Variants in TSC22D1 observed in about 807,000 individuals in gnomAD.
The protein encoded by TSC22D1 is TSC22 domain family protein 1.
In TSC22D1, 9 loss-of-function variants were observed where a neutral mutation model predicts 74.2. The observed-to-expected ratio is 0.12, with a 90% CI of 0.07 to 0.21. The LOEUF is 0.21. Among genes scored for constraint, TSC22D1 ranks in the 10% least tolerant of loss-of-function variants. The pLI is 1.00. For missense variants in TSC22D1, 1,427 were observed against 1,304.7 expected, an observed-to-expected ratio of 1.09 and a Z score of -1.44; for synonymous variants, 586 against 492.5, an observed-to-expected ratio of 1.19 and a Z score of -2.51.
At chr13:44,550,530 C>T (rs1170329936) in intron 1 of TSC22D1, among the ~76,000 whole-genome samples, 1 of 148,272 alleles carries the variant, frequency 6.7e-6, no homozygotes, top group African/African-American at 2.5e-5. Context: ...TGCAGTGAGC[C>T]GAGATTGCAC....
chr13:44,491,880 C>G (rs1285096728), intron 1 of TSC22D1, among the ~76,000 whole-genome samples: 3 of 152,148 alleles, frequency 2.0e-5, no homozygotes, highest in Non-Finnish European at 4.4e-5. Flanking sequence ...AATGCGATAT[C>G]ATCTTGTAAA....
intron 1 of TSC22D1, among the ~76,000 whole-genome samples, chr13:44,517,873 T>TTTTTTTTTTTTC (rs1161219206): frequency 9.1e-6 from 1 of 109,430 alleles, no homozygotes; most frequent in Non-Finnish European, 1.9e-5. Flanking sequence ...TTTTTTTTTT[T>TTTTTTTTTTTTC]TTTTTTAACA....
intron 1 of TSC22D1, among the ~76,000 whole-genome samples, chr13:44,556,105 A>G (rs1054106715): frequency 6.6e-6 from 1 of 152,178 alleles, no homozygotes; most frequent in Non-Finnish European, 1.5e-5. Flanking sequence ...ATATCTTTTA[A>G]GATACATCTT....
chr13:44,451,006 T>C (rs1876085825), intron 1 of TSC22D1, among the ~76,000 whole-genome samples: 1 of 152,074 alleles, frequency 6.6e-6, no homozygotes, highest in Non-Finnish European at 1.5e-5. Context: ...TGCAAGAACC[T>C]TGAATGGGAG....
rs140596062 is a variant in TSC22D1, at chr13:44,481,242, A to C, written c.2913-45147T>G. Among the ~76,000 whole-genome samples, 517 of 152,298 alleles carry C rather than the reference A, an allele frequency of 3.4e-3. 2 individuals are homozygous for C. The highest frequency in any genetic ancestry group is 6.8e-3 in the Middle Eastern group (2 of 294). ...GGATCCTCGGGGCTTGAGACTTCGCAGTTAGGAAGTCATTGGTGACATCTG... is the reference window on the plus strand; with the variant it reads ...GGATCCTCGGGGCTTGAGACTTCGCCGTTAGGAAGTCATTGGTGACATCTG... On this transcript the variant is annotated intron_variant, in intron 1 of 2. Coordinates refer to ENST00000458659, the MANE Select transcript of TSC22D1 (RefSeq NM_183422.4).
At chr13:44,446,070 G>A (rs1220705836) in intron 1 of TSC22D1, among the ~76,000 whole-genome samples, 1 of 152,094 alleles carries the variant, frequency 6.6e-6, no homozygotes, top group Non-Finnish European at 1.5e-5. Context: ...ACAAAAATTT[G>A]GACATGAACG....
intron 1 of TSC22D1, among the ~76,000 whole-genome samples, chr13:44,503,362 TAA>T (rs973879695): frequency 1.3e-5 from 2 of 152,102 alleles, no homozygotes; most frequent in African/African-American, 2.4e-5. Context: ...ACAACATAGT[TAA>T]AGACGAAAGT....
intron 1 of TSC22D1, chr13:44,539,078 T>C (rs1335931297): frequency 8.1e-6 from 8 of 985,218 alleles, no homozygotes; most frequent in African/African-American, 1.7e-5. Context: ...GAAAACCATC[T>C]TAATGCCATG....
chr13:44,453,939 G>A (rs894493861), intron 1 of TSC22D1, among the ~76,000 whole-genome samples: 10 of 151,988 alleles, frequency 6.6e-5, no homozygotes, highest in African/African-American at 2.4e-4. Flanking sequence ...TGGTGTAGAG[G>A]GAATGAATTC....
intron 1 of TSC22D1, among the ~76,000 whole-genome samples, chr13:44,467,044 T>A (rs1354802078): frequency 1.3e-5 from 2 of 151,826 alleles, no homozygotes; most frequent in Non-Finnish European, 2.9e-5. Context: ...ACACCTGTAG[T>A]CCCAGCTACC....
chr13:44,540,828 A>G (rs1418704305), intron 1 of TSC22D1, among the ~76,000 whole-genome samples: 3 of 152,184 alleles, frequency 2.0e-5, no homozygotes, highest in Non-Finnish European at 4.4e-5. Context: ...ATACATATTT[A>G]AAGTTACAGG....
chr13:44,517,857 A>ATATATATATATTTTT (rs10627677), intron 1 of TSC22D1, among the ~76,000 whole-genome samples: 1 of 16,176 alleles, frequency 6.2e-5, no homozygotes, highest in African/African-American at 1.8e-4. Flanking sequence ...ATATATATAT[A>ATATATATATATTTTT]TTTTTTTTTT....
At chr13:44,563,795 T>C (rs9590836) in intron 1 of TSC22D1, among the ~76,000 whole-genome samples, 2,855 of 152,336 alleles carry the variant, frequency 0.019, 83 homozygotes, top group African/African-American at 0.065. Flanking sequence ...TTTGTAAAAC[T>C]GTCTCGGCGA....
chr13:44,507,303 A>G (rs988316979), intron 1 of TSC22D1, among the ~76,000 whole-genome samples: 1 of 152,192 alleles, frequency 6.6e-6, no homozygotes, highest in Non-Finnish European at 1.5e-5. Flanking sequence ...ACGTTGCTAC[A>G]GTAGCGCAAG....
At position 44,433,796 on chromosome 13, in the gene TSC22D1, G is replaced by A. The variant is rs970148164; in HGVS notation, c.*830C>T. 1.5e-5 allele frequency: 8 copies of A among 548,552 alleles called. No individual in the cohort carries two copies. In the Admixed American group the frequency reaches 1.6e-4, roughly 11 times the overall value. 34.0% of individuals were successfully genotyped at this position (548,552 alleles called of 1,614,324 possible). ...TTCAGATTACACAAAGTGAGTAACTGTGCCAAATTCTTAAAATTTCTTTAG... is the reference window on the plus strand; with the variant it reads ...TTCAGATTACACAAAGTGAGTAACTATGCCAAATTCTTAAAATTTCTTTAG... On this transcript the variant is annotated 3_prime_UTR_variant, in exon 3 of 3. Coordinates refer to ENST00000458659, the MANE Select transcript of TSC22D1 (RefSeq NM_183422.4).
Position 44,537,111 on chromosome 13 carries a change from T to C in TSC22D1, c.2912+36052A>G, listed in dbSNP as rs1881193838. ...ATTATCAGTAAGTGCATTTTTTTCA[T>C]GGAGAAAATATTTATTAGATTTCAA... On this transcript the variant is annotated intron_variant, in intron 1 of 2. Coordinates refer to ENST00000458659, the MANE Select transcript of TSC22D1 (RefSeq NM_183422.4). 5.5e-6 allele frequency: 5 copies of C among 915,122 alleles called. No homozygotes were observed. In the South Asian group the frequency reaches 2.5e-4, roughly 46 times the overall value. The allele number at this position is 915,122 out of a possible 1,614,324, so 56.7% of individuals were successfully genotyped here.
At position 44,574,093 on chromosome 13, in the gene TSC22D1, GGCT is replaced by G. The variant is rs775679040; in HGVS notation, c.1979_1981del (p.Gln660del). 1 of 1,614,240 alleles carries G rather than the reference GGCT, an allele frequency of 6.2e-7. No homozygotes were observed. Among genetic ancestry groups the G allele is most frequent in the Non-Finnish European group, 8.5e-7 (1 of 1,180,052 alleles). ...GGAGGACATTGCTGTTTGAAGAATT[GGCT>G]GCTGTTGTACATACTCTGAAGCAGG... is the stretch of plus-strand genomic sequence containing the variant. On this transcript the variant is annotated inframe_deletion, in exon 1 of 3. Transcript: ENST00000458659.
rs1189474976 is a variant in TSC22D1 at position 44,537,374 on chromosome 13, T to C, written c.2912+35789A>G. On this transcript the variant is annotated intron_variant, in intron 1 of 2. Coordinates refer to ENST00000458659, the MANE Select transcript of TSC22D1 (RefSeq NM_183422.4). ...TGGCATGAGGTGACTAGAAATGCAC[T>C]TACATTTCCTTTTGCATATTTTAAG... The C allele has an allele frequency of 3.0e-6, 3 of 985,094 alleles. No individual in the cohort carries two copies. In the East Asian group the frequency reaches 3.4e-4, roughly 112 times the overall value. The allele number at this position is 985,094 out of a possible 1,614,324, so 61.0% of individuals were successfully genotyped here. A position where few individuals can be genotyped will look rare whatever the true frequency, so the allele number is the denominator to read the frequency against.
intron 1 of TSC22D1, among the ~76,000 whole-genome samples, chr13:44,490,905 T>TA (rs895444208): frequency 7.0e-5 from 10 of 142,134 alleles, no homozygotes; most frequent in Non-Finnish European, 9.1e-5. Flanking sequence ...TCCGTCTCAT[T>TA]AAAAAAAATG....
Sources: gnomAD v4.1 joint callset for allele counts (sites outside exome capture counted in the v4.1 genomes callset) on GRCh38, gnomAD v4.1.1 for gene constraint, MANE v1.5 for transcripts, NCBI Gene and HGNC (gene_info 2026-07-23, HGNC 2026-07-21) for gene names.